PGM1: variants seen among roughly 807,000 people sequenced by gnomAD.
PGM1 encodes the protein phosphoglucomutase 1.
Under a neutral mutation model 55.6 loss-of-function variants are expected in PGM1, and 52 were observed. The ratio of observed to expected loss-of-function variants is 0.94; its 90% CI spans 0.75 to 1.18. The LOEUF is 1.18. Among genes scored for constraint, PGM1 ranks in the 50% most tolerant of loss-of-function variants. PGM1 has a pLI of 0.00. For synonymous variants in PGM1, 287 were observed against 271.7 expected (o/e 1.06, Z -0.55); for missense variants, 724 against 729.3 (o/e 0.99, Z 0.08).
intron 1 of PGM1, among the ~76,000 whole-genome samples, chr1:63,614,203 C>A (rs1264862278): frequency 6.6e-6 from 1 of 152,120 alleles, no homozygotes; most frequent in Non-Finnish European, 1.5e-5. Context: ...TTTACAGATG[C>A]AGAAATAGAA....
chr1:63,634,076 C>G (rs1649295980), intron 4 of PGM1, among the ~76,000 whole-genome samples: 2 of 150,174 alleles, frequency 1.3e-5, no homozygotes, highest in South Asian at 4.2e-4. Flanking sequence ...GCCACCGTAC[C>G]TGGCCTGTTT....
chr1:63,593,497 G>C lies in PGM1; in HGVS notation c.9G>C (p.Lys3Asn), dbSNP rs1290420557. 1.2e-6 allele frequency: 2 copies of C among 1,613,660 alleles called. No homozygotes were observed. The highest frequency in any genetic ancestry group is 1.3e-5 in the African/African-American group (1 of 74,916). The part of the protein sequence containing the change: MV[K>N]IVTVKTQAYQ... ...GGCAGCAAGTCGCCACCATGGTGAA[G>C]ATCGTGACAGTTAAGACCCAGGCGT... Residue 3 changes from lysine (K) to asparagine (N), a missense_variant, in exon 1 of 11, where the codon AAG (lysine) becomes AAC (asparagine). This residue lies in a region of PGM1 where 379 missense variants were observed against 357.5 expected (regional missense o/e 1.06). Transcript: ENST00000371084.
intron 1 of PGM1, chr1:63,623,720 C>T (rs747749759): frequency 6.2e-7 from 1 of 1,612,522 alleles, no homozygotes; most frequent in Non-Finnish European, 8.5e-7. Flanking sequence ...TTTAATAAAT[C>T]AGCAATAGAA....
rs1649153115 is a variant in PGM1 at position 63,630,043 on chromosome 1, G to T, written c.511G>T (p.Gly171Ter). The T allele has an allele frequency of 6.2e-7, 1 of 1,614,058 alleles. No individual in the cohort carries two copies. Among genetic ancestry groups the T allele is most frequent in the African/African-American group, 1.3e-5 (1 of 75,026 alleles). The change falls in exon 3 of 11, where the codon GGA becomes TGA. Residue 171 changes from glycine (G) to a stop codon, truncating the protein, a stop_gained. Coordinates refer to ENST00000371084, the MANE Select transcript of PGM1 (RefSeq NM_002633.3). LOFTEE classifies it high-confidence loss of function. The part of the protein sequence containing the change: ...PDLKVDLGVL[G>*]KQQFDLENKF... ...CCTGAAAGTAGACCTTGGTGTTCTGGGAAAGCAGCAGTTTGACTTGGAAAA... is the reference window on the plus strand; with the variant it reads ...CCTGAAAGTAGACCTTGGTGTTCTGTGAAAGCAGCAGTTTGACTTGGAAAA...
At chr1:63,612,974 AT>A (rs1648608856) in intron 1 of PGM1, among the ~76,000 whole-genome samples, 1 of 152,168 alleles carries the variant, frequency 6.6e-6, no homozygotes, top group Non-Finnish European at 1.5e-5. Flanking sequence ...TCACTTAAAT[AT>A]TTTAGTCACT....
chr1:63,640,925 G>A (rs772573355), intron 7 of PGM1, among the ~76,000 whole-genome samples: 10 of 152,154 alleles, frequency 6.6e-5, no homozygotes, highest in Non-Finnish European at 1.2e-4. Context: ...TGAAGAGTGG[G>A]GTGGGATGAT....
intron 1 of PGM1, among the ~76,000 whole-genome samples, chr1:63,595,434 C>T (rs534981426): frequency 5.3e-5 from 8 of 152,318 alleles, no homozygotes; most frequent in South Asian, 2.1e-4. Flanking sequence ...ATCTGTTTTC[C>T]AGGCTCCAAA....
At chr1:63,633,933 T>TATATA (rs1491392697) in intron 4 of PGM1, among the ~76,000 whole-genome samples, 23 of 43,656 alleles carry the variant, frequency 5.3e-4, no homozygotes, top group African/African-American at 8.5e-4. Context: ...TATATATATA[T>TATATA]TTTTTTTTTT....
intron 8 of PGM1, 100 bp downstream of exon 8, chr1:63,648,752 C>T: frequency 7.8e-7 from 1 of 1,286,356 alleles, no homozygotes; most frequent in Non-Finnish European, 1.1e-6. Context: ...GCTAATAAAA[C>T]CCTAGGTCAT....
Position 63,642,175 on chromosome 1 carries a change from A to G in PGM1, c.1144+3375A>G, listed in dbSNP as rs913363408. On this transcript the variant is annotated intron_variant, in intron 7 of 10. Coordinates refer to ENST00000371084, the MANE Select transcript of PGM1 (RefSeq NM_002633.3). ...AGAAGTTTGCTTGCAAAGAGGTGCA[A>G]AGGAGTCTAACTTCAGGACTGGTCC... Among the ~76,000 whole-genome samples the G allele has an allele frequency of 2.0e-5, 3 of 152,328 alleles. No individual in the cohort carries two copies. In the East Asian group the frequency reaches 5.8e-4, roughly 29 times the overall value.
At chr1:63,648,200 C>A (rs1361848850) in intron 7 of PGM1, among the ~76,000 whole-genome samples, 2 of 152,132 alleles carry the variant, frequency 1.3e-5, no homozygotes, top group East Asian at 3.9e-4. Context: ...GGAACCATGG[C>A]TGGGAGGCCT....
At chr1:63,608,837 T>G (rs996547317) in intron 1 of PGM1, among the ~76,000 whole-genome samples, 9 of 152,184 alleles carry the variant, frequency 5.9e-5, no homozygotes, top group African/African-American at 2.2e-4. Context: ...CATAGACAGC[T>G]CCTCCATATG....
At chr1:63,622,649 T>G (rs1320760373) in intron 1 of PGM1, among the ~76,000 whole-genome samples, 1 of 152,216 alleles carries the variant, frequency 6.6e-6, no homozygotes, top group Non-Finnish European at 1.5e-5. Context: ...ACGCCTGTTT[T>G]TTTGTATATT....
chr1:63,631,878 T>C, intron 4 of PGM1, 96 bp downstream of exon 4: 1 of 1,191,860 alleles, frequency 8.4e-7, no homozygotes, highest in Non-Finnish European at 1.2e-6. Context: ...TTTTCTCAAG[T>C]CTCTCTGATG....
rs373695820 is a variant in PGM1 at position 63,597,808 on chromosome 1, A to G, written c.246+4074A>G. ...AATGAATGTGTGCATGTTTTGAAGG[A>G]TGATTTATCACCACCCTAAGCAAAA... On this transcript the variant is annotated intron_variant, in intron 1 of 10. Transcript: ENST00000371084. Among the ~76,000 whole-genome samples, 8 of 152,314 alleles carry G rather than the reference A, an allele frequency of 5.3e-5. No homozygotes were observed. In the East Asian group the frequency reaches 9.6e-4, roughly 18 times the overall value.
At chr1:63,631,834 C>G (rs752072185) in intron 4 of PGM1, 52 bp downstream of exon 4, 1 of 1,568,792 alleles carries the variant, frequency 6.4e-7, no homozygotes, top group South Asian at 1.1e-5. Flanking sequence ...GGAAGTTGCC[C>G]TCTTCTGTGT....
intron 7 of PGM1, among the ~76,000 whole-genome samples, chr1:63,643,100 T>C (rs2269241): frequency 0.23 from 34,892 of 152,128 alleles, 4,278 homozygotes; most frequent in Admixed American, 0.34. Context: ...CCCATTCTAA[T>C]TTGCATAGCT....
intron 1 of PGM1, among the ~76,000 whole-genome samples, chr1:63,622,088 G>A (rs12034681): frequency 0.047 from 7,197 of 152,186 alleles, 265 homozygotes; most frequent in East Asian, 0.17. Context: ...ACAATGGCAC[G>A]ATCTTAGCTC....
At chr1:63,594,043 C>T in intron 1 of PGM1, 2 of 1,093,910 alleles carry the variant, frequency 1.8e-6, no homozygotes, top group Non-Finnish European at 2.2e-6. Context: ...CCTTCCCTCT[C>T]CCCGTCCCCC....
Sources: gnomAD v4.1 joint callset for allele counts (sites outside exome capture counted in the v4.1 genomes callset) on GRCh38, gnomAD v4.1.1 for gene constraint, gnomAD v4.1.1 regional missense constraint, MANE v1.5 for transcripts, NCBI Gene and HGNC (gene_info 2026-07-23, HGNC 2026-07-21) for gene names.